The following MAEA variants were observed in gnomAD, a reference collection of about 807,000 sequenced individuals.
The protein encoded by MAEA is E3 ubiquitin-protein transferase MAEA.
A neutral mutation model predicts 46.2 loss-of-function variants in MAEA; 22 were observed. That is an observed-to-expected ratio of 0.48 (90% CI 0.34 to 0.68). The LOEUF (loss-of-function observed/expected upper bound fraction) is 0.68. MAEA is among the 30% of genes least tolerant of loss of function. The pLI is 0.01. For missense variants in MAEA, 393 were observed against 558.1 expected (o/e 0.70, Z 2.98); for synonymous variants, 246 against 222.6 (o/e 1.11, Z -0.94).
At chr4:1,331,223 C>A (rs1367086538) in intron 5 of MAEA, 1 of 149,972 alleles carries the variant, frequency 6.7e-6, no homozygotes, top group Non-Finnish European at 1.5e-5. Context: ...CGTCCCCAGC[C>A]CCTGCACACG....
chr4:1,328,860 A>G (rs1014672481), intron 5 of MAEA: 5 of 1,042,258 alleles, frequency 4.8e-6, no homozygotes, highest in Non-Finnish European at 5.8e-6. Context: ...CAGGCCTGCA[A>G]CGAGGTCCCT....
intron 5 of MAEA, 27 bp downstream of exon 5, chr4:1,327,730 C>T (rs748389322): frequency 1.7e-5 from 27 of 1,599,944 alleles, no homozygotes; most frequent in Middle Eastern, 1.7e-4. Context: ...TGCGTCTCCT[C>T]GAGGGAGGGC....
rs1262940233 is a variant in MAEA at position 1,338,274 on chromosome 4, C to T, written c.900-148C>T. On this transcript the variant is annotated intron_variant, in intron 7 of 8. Coordinates refer to ENST00000303400, the MANE Select transcript of MAEA (RefSeq NM_001017405.3). ...TGTTTAGCTGTCGAGTGCAGCACTT[C>T]CTGTGCCTCGAAAGACAGCCCCGTG... 3 of 604,658 alleles carry T rather than the reference C, an allele frequency of 5.0e-6. No homozygotes were observed. The African/African-American group carries it at 5.6e-5, about 11-fold the overall frequency. 37.5% of individuals were successfully genotyped at this position (604,658 alleles called of 1,614,324 possible).
intron 1 of MAEA, among the ~76,000 whole-genome samples, chr4:1,290,206 C>T (rs1577108814): frequency 6.6e-6 from 1 of 151,942 alleles, no homozygotes; most frequent in Non-Finnish European, 1.5e-5. Context: ...GGCCCCTCTG[C>T]TTGAAGAGCT....
chr4:1,328,577 AG>A, intron 5 of MAEA: 3 of 1,162,034 alleles, frequency 2.6e-6, no homozygotes, highest in South Asian at 1.6e-5. Context: ...GTTTGCCAGG[AG>A]GGGGCACCTG....
intron 1 of MAEA, among the ~76,000 whole-genome samples, chr4:1,301,758 A>C (rs1735340390): frequency 1.3e-5 from 2 of 152,256 alleles, no homozygotes. Flanking sequence ...CAAGGGACAC[A>C]GACAAAATGT....
intron 5 of MAEA, among the ~76,000 whole-genome samples, chr4:1,328,250 A>AG (rs1373742057): frequency 1.4e-4 from 21 of 152,190 alleles, no homozygotes; most frequent in Admixed American, 1.3e-3. Flanking sequence ...AGGCCTGAGA[A>AG]GGGGATGCTG....
In MAEA at chr4:1,313,814, A is replaced by G. The variant is rs540479424; in HGVS notation, c.253-1583A>G. On this transcript the variant is annotated intron_variant, in intron 2 of 8. Coordinates refer to ENST00000303400, the MANE Select transcript of MAEA (RefSeq NM_001017405.3). ...GTGGCTCACTTTGGAAGGGCGAGGC[A>G]GGTAGATTGCTTGAGCCCAGGAGTT... Among the ~76,000 whole-genome samples, 24 of 152,312 alleles carry G rather than the reference A, an allele frequency of 1.6e-4. No homozygotes were observed. In the South Asian group the frequency reaches 4.3e-3, roughly 28 times the overall value.
At chr4:1,292,886 C>T (rs1274178550) in intron 1 of MAEA, among the ~76,000 whole-genome samples, 7 of 128,338 alleles carry the variant, frequency 5.5e-5, no homozygotes, top group Non-Finnish European at 1.1e-4. Flanking sequence ...AACTCACCAT[C>T]TTTTTTTTTT....
intron 1 of MAEA, among the ~76,000 whole-genome samples, chr4:1,303,232 CAAAA>C (rs71168823): frequency 5.3e-4 from 35 of 65,674 alleles, no homozygotes; most frequent in South Asian, 1.9e-3. Context: ...ACTAAAAATA[CAAAA>C]AAAAAAAAAA....
chr4:1,334,734 T>C, intron 6 of MAEA: 1 of 335,164 alleles, frequency 3.0e-6, no homozygotes, highest in Non-Finnish European at 4.2e-6. Flanking sequence ...TTGCCATGGG[T>C]CAGGCAAGAA....
intron 1 of MAEA, among the ~76,000 whole-genome samples, chr4:1,298,736 C>CA (rs1735030325): frequency 1.3e-5 from 2 of 152,276 alleles, no homozygotes; most frequent in Admixed American, 6.5e-5. Context: ...TTGGTGCTCT[C>CA]ACAGGGTCTA....
chr4:1,314,447 A>G (rs1736883527), intron 2 of MAEA, among the ~76,000 whole-genome samples: 1 of 152,240 alleles, frequency 6.6e-6, no homozygotes, highest in Admixed American at 6.5e-5. Context: ...AAAGCTAAAG[A>G]CAGAATTAGT....
At chr4:1,290,702 G>A (rs1266166097) in intron 1 of MAEA, among the ~76,000 whole-genome samples, 1 of 152,224 alleles carries the variant, frequency 6.6e-6, no homozygotes, top group East Asian at 1.9e-4. Context: ...GTGGTTCTGT[G>A]TTGCCTTCCT....
Position 1,311,519 on chromosome 4 carries a change from C to A in MAEA, c.70-460C>A, listed in dbSNP as rs1490993395. On this transcript the variant is annotated intron_variant, in intron 1 of 8. Coordinates refer to ENST00000303400, the MANE Select transcript of MAEA (RefSeq NM_001017405.3). The surrounding 1 kb of genome is among the most constrained non-coding windows in gnomAD (Gnocchi z 4.4). ...CGTGTGTGAGGCTTGCTGTGCCCAA[C>A]CCCAGCCCGTGTGGAGCCCACGCCC... Among the ~76,000 whole-genome samples the A allele has an allele frequency of 5.9e-5, 9 of 152,146 alleles. No homozygotes were observed. Among genetic ancestry groups the A allele is most frequent in the Non-Finnish European group, 1.0e-4 (7 of 68,034 alleles).
intron 3 of MAEA, among the ~76,000 whole-genome samples, chr4:1,317,358 C>T: frequency 7.0e-6 from 1 of 142,502 alleles, no homozygotes; most frequent in African/African-American, 2.8e-5. Context: ...GCAGGCCCCA[C>T]ACTCCGGACT....
intron 4 of MAEA, 89 bp from the exon 5 acceptor site, chr4:1,327,538 G>A: frequency 1.2e-6 from 1 of 865,198 alleles, no homozygotes; most frequent in Non-Finnish European, 2.0e-6. Flanking sequence ...TGGTTGTGGG[G>A]TCTGCTGGTG....
intron 5 of MAEA, 93 bp downstream of exon 5, chr4:1,327,796 A>ACGTCCCCTGGGT: frequency 3.1e-6 from 3 of 954,226 alleles, no homozygotes; most frequent in African/African-American, 2.9e-5. Flanking sequence ...GGGTCCTGGG[A>ACGTCCCCTGGGT]CGTCCCCTGG....
At chr4:1,318,271 C>T (rs767711441) in intron 3 of MAEA, among the ~76,000 whole-genome samples, 10 of 152,236 alleles carry the variant, frequency 6.6e-5, no homozygotes, top group Non-Finnish European at 1.3e-4. Context: ...CTGGCGGTGG[C>T]TGCTGAAGCA....
Sources: gnomAD v4.1 joint callset for allele counts (sites outside exome capture counted in the v4.1 genomes callset) on GRCh38, gnomAD v4.1.1 for gene constraint, Gnocchi (gnomAD v3.1) non-coding constraint, MANE v1.5 for transcripts, NCBI Gene and HGNC (gene_info 2026-07-23, HGNC 2026-07-21) for gene names.